The following KIF6 variants were observed in gnomAD, a reference collection of about 807,000 sequenced individuals.
KIF6 encodes kinesin family member 6.
KIF6 carries 106 observed loss-of-function variants against 112.7 expected under a neutral mutation model. That is an observed-to-expected ratio of 0.94 (90% CI 0.80 to 1.11). The LOEUF is 1.11. KIF6 is among the 50% of genes least tolerant of loss of function. The probability of loss-of-function intolerance (pLI) is 0.00; values close to 1 mark genes in which losing one functional copy is unlikely to be tolerated. For synonymous variants in KIF6, 339 were observed against 339.9 expected (o/e 1.00, Z 0.03); for missense variants, 929 against 964.0 (o/e 0.96, Z 0.48).
chr6:39,651,409 G>A (rs1337396332), intron 3 of KIF6, among the ~76,000 whole-genome samples: 3 of 152,166 alleles, frequency 2.0e-5, no homozygotes, highest in South Asian at 2.1e-4. Flanking sequence ...GCAGGATGGC[G>A]GGGGAGGGTA....
intron 13 of KIF6, among the ~76,000 whole-genome samples, chr6:39,452,223 A>T (rs1249959201): frequency 6.6e-6 from 1 of 152,140 alleles, no homozygotes; most frequent in Non-Finnish European, 1.5e-5. Flanking sequence ...CAGGAAGAGG[A>T]GAAGGAAGGA....
intron 13 of KIF6, among the ~76,000 whole-genome samples, chr6:39,486,856 A>G (rs1447014550): frequency 1.3e-5 from 2 of 152,230 alleles, no homozygotes; most frequent in African/African-American, 4.8e-5. Flanking sequence ...AAATATCTGA[A>G]TATTCACTTT....
At chr6:39,548,099 A>C (rs971501941) in intron 10 of KIF6, among the ~76,000 whole-genome samples, 5 of 152,232 alleles carry the variant, frequency 3.3e-5, no homozygotes, top group Admixed American at 6.5e-5. Context: ...CTAGCAGACA[A>C]TATTAAGTTG....
intron 13 of KIF6, among the ~76,000 whole-genome samples, chr6:39,437,934 A>G (rs1332616999): frequency 1.3e-5 from 2 of 151,928 alleles, no homozygotes; most frequent in Non-Finnish European, 2.9e-5. Flanking sequence ...ATAAATGACT[A>G]TTTTACTGAT....
chr6:39,655,825 T>C (rs2150800929), intron 3 of KIF6, among the ~76,000 whole-genome samples: 1 of 152,348 alleles, frequency 6.6e-6, no homozygotes, highest in South Asian at 2.1e-4. Context: ...TTACTTATCA[T>C]AGATTTATAA....
chr6:39,715,564 C>T (rs761085853), intron 2 of KIF6, among the ~76,000 whole-genome samples: 3 of 145,122 alleles, frequency 2.1e-5, no homozygotes, highest in Non-Finnish European at 4.5e-5. Flanking sequence ...AGTGCAGTGG[C>T]GCTATCTCGC....
intron 6 of KIF6, among the ~76,000 whole-genome samples, chr6:39,602,229 T>C (rs1582244870): frequency 6.6e-6 from 1 of 152,262 alleles, no homozygotes; most frequent in Middle Eastern, 3.4e-3. Flanking sequence ...ATATGTTTTC[T>C]TTTTCGGAAA....
chr6:39,594,493 G>A (rs1159059184), intron 7 of KIF6, among the ~76,000 whole-genome samples: 1 of 152,216 alleles, frequency 6.6e-6, no homozygotes, highest in African/African-American at 2.4e-5. Flanking sequence ...AAAGAGCTTA[G>A]GAATGCTGAC....
intron 3 of KIF6, among the ~76,000 whole-genome samples, chr6:39,694,572 C>CCA (rs1021492795): frequency 9.9e-5 from 15 of 151,984 alleles, no homozygotes; most frequent in Middle Eastern, 3.4e-3. Flanking sequence ...TTTATAATAG[C>CCA]CACACACACC....
In KIF6 at chr6:39,335,634, C is replaced by T. The variant is rs1762885565; in HGVS notation, c.*898G>A. On this transcript the variant is annotated 3_prime_UTR_variant, in exon 23 of 23. Transcript: ENST00000287152. ...TGCAGCTGGGTTGGAACCCCCTGGC[C>T]CAGGGGGCAGTTCTTCAAGAACCTC... 1 of 152,064 alleles carries T rather than the reference C, an allele frequency of 6.6e-6. No individual in the cohort carries two copies. Among genetic ancestry groups the T allele is most frequent in the South Asian group, 2.1e-4 (1 of 4,818 alleles). The allele number at this position is 152,064 out of a possible 1,614,324, so 9.4% of individuals were successfully genotyped here.
chr6:39,540,254 G>T (rs1051597219), intron 12 of KIF6, 33 bp from the exon 13 acceptor site: 1 of 1,345,864 alleles, frequency 7.4e-7, no homozygotes, highest in East Asian at 2.3e-5. Context: ...AATGCCTGAT[G>T]CTAGCTTATA....
chr6:39,619,518 A>G (rs888736569), intron 5 of KIF6, among the ~76,000 whole-genome samples: 2 of 152,170 alleles, frequency 1.3e-5, no homozygotes, highest in African/African-American at 4.8e-5. Context: ...ACAGGGTTCA[A>G]GGATGCATAG....
At chr6:39,422,386 G>A (rs1331406420) in intron 14 of KIF6, among the ~76,000 whole-genome samples, 3 of 152,198 alleles carry the variant, frequency 2.0e-5, no homozygotes, top group Non-Finnish European at 4.4e-5. Flanking sequence ...CAGAAACTGT[G>A]TGGAAAGCCA....
intron 13 of KIF6, among the ~76,000 whole-genome samples, chr6:39,453,967 A>C (rs1316209892): frequency 6.6e-6 from 1 of 152,236 alleles, no homozygotes; most frequent in Non-Finnish European, 1.5e-5. Flanking sequence ...ACCAACAATG[A>C]GGAGTCAGTT....
chr6:39,419,381 T>C (rs971561413), intron 15 of KIF6, among the ~76,000 whole-genome samples: 9 of 135,350 alleles, frequency 6.6e-5, no homozygotes, highest in Non-Finnish European at 1.3e-4. Flanking sequence ...AAAAAGAGAA[T>C]TCGAGGCACA....
intron 15 of KIF6, among the ~76,000 whole-genome samples, chr6:39,386,306 T>C (rs1767417420): frequency 6.6e-6 from 1 of 152,056 alleles, no homozygotes; most frequent in Admixed American, 6.6e-5. Context: ...ATTTGCAAAA[T>C]AGAAAATATT....
chr6:39,373,593 AAAT>A (rs1766201914), intron 16 of KIF6, among the ~76,000 whole-genome samples: 1 of 152,204 alleles, frequency 6.6e-6, no homozygotes, highest in South Asian at 2.1e-4. Flanking sequence ...TCCGAAAGAG[AAAT>A]TAAAAAAAAA....
chr6:39,663,568 G>C (rs1786286566), intron 3 of KIF6, among the ~76,000 whole-genome samples: 1 of 152,100 alleles, frequency 6.6e-6, no homozygotes, highest in Non-Finnish European at 1.5e-5. Flanking sequence ...GCTATAAGAA[G>C]CTTTATGAAA....
intron 10 of KIF6, among the ~76,000 whole-genome samples, chr6:39,546,930 T>C (rs1344717929): frequency 6.6e-6 from 1 of 152,170 alleles, no homozygotes; most frequent in Non-Finnish European, 1.5e-5. Context: ...TATTTATCTT[T>C]GTTCTTCCCG....
Sources: allele counts gnomAD v4.1 joint callset (sites outside exome capture counted in the v4.1 genomes callset), GRCh38; gene constraint gnomAD v4.1.1; transcripts MANE v1.5; gene names NCBI Gene and HGNC (gene_info 2026-07-23, HGNC 2026-07-21).